The following FKBP5 variants were observed in gnomAD, a reference collection of about 807,000 sequenced individuals.
FKBP5 encodes the protein peptidyl-prolyl cis-trans isomerase FKBP5.
In FKBP5, 23 loss-of-function variants were observed where a neutral mutation model predicts 50.5. The observed-to-expected ratio is 0.46, with a 90% CI of 0.33 to 0.65. The LOEUF is 0.65. FKBP5 is among the 30% of genes least tolerant of loss of function. The probability of loss-of-function intolerance (pLI) is 0.02; values close to 1 mark genes in which losing one functional copy is unlikely to be tolerated. For synonymous variants in FKBP5, 176 were observed against 190.6 expected, an observed-to-expected ratio of 0.92 and a Z score of 0.63; for missense variants, 411 against 553.1, an observed-to-expected ratio of 0.74 and a Z score of 2.58.
At chr6:35,686,472 A>G (rs1192384253) in intron 1 of FKBP5, among the ~76,000 whole-genome samples, 1 of 152,168 alleles carries the variant, frequency 6.6e-6, no homozygotes, top group East Asian at 1.9e-4. Context: ...ACTAATTATT[A>G]ATAGTATTTT....
intron 3 of FKBP5, among the ~76,000 whole-genome samples, chr6:35,633,545 AAAAAAAAAAAAAAAGG>A (rs1424539937): frequency 6.7e-6 from 1 of 148,236 alleles, no homozygotes; most frequent in Non-Finnish European, 1.5e-5. Flanking sequence ...TCCATCTCAA[AAAAAAAAAAAAAAAGG>A]AAAAAAAAAA....
upstream of FKBP5, among the ~76,000 whole-genome samples, chr6:35,692,997 G>T (rs1446724335): frequency 1.6e-5 from 2 of 128,424 alleles, no homozygotes; most frequent in Non-Finnish European, 3.2e-5. Flanking sequence ...CCTTTATTCT[G>T]TATTTTCTGT....
intron 1 of FKBP5, among the ~76,000 whole-genome samples, chr6:35,686,752 C>T (rs1223279582): frequency 4.6e-5 from 7 of 152,086 alleles, no homozygotes. Flanking sequence ...TAAACTGAAC[C>T]CAAAATATGC....
chr6:35,725,420 CA>C (rs1766687923), intron 1 of FKBP5, among the ~76,000 whole-genome samples: 1 of 152,142 alleles, frequency 6.6e-6, no homozygotes, highest in African/African-American at 2.4e-5. Flanking sequence ...GGAGAGGGAT[CA>C]GCCTCAAGGG....
rs756008356 is a variant in FKBP5, at chr6:35,575,867, T to C, written c.1342A>G (p.Met448Val). Residue 448 changes from methionine to valine, a missense_variant, in exon 11 of 11, where the codon ATG becomes GTG. By Grantham distance (21) the Met-to-Val change is conservative (BLOSUM62 1). Transcript: ENST00000357266. ...TNEKGTDSQA[M>V]EEEKPEGHV The stretch of plus-strand genomic sequence containing the variant: ...TGGCCCTCAGGTTTCTCTTCTTCCA[T>C]TGCTTGACTGTCTGTTCCTTTTTCA... 6.2e-6 allele frequency: 10 copies of C among 1,613,938 alleles called. No individual in the cohort carries two copies. Among genetic ancestry groups the C allele is most frequent in the African/African-American group, 2.7e-5 (2 of 74,914 alleles).
intron 7 of FKBP5, among the ~76,000 whole-genome samples, chr6:35,587,937 G>GTAAC (rs1156647799): frequency 1.3e-5 from 2 of 152,054 alleles, no homozygotes; most frequent in African/African-American, 2.4e-5. Context: ...GTTTAAATGG[G>GTAAC]TAACTAAAAT....
chr6:35,608,533 A>C (rs1581810423), intron 5 of FKBP5, among the ~76,000 whole-genome samples: 1 of 152,098 alleles, frequency 6.6e-6, no homozygotes, highest in South Asian at 2.1e-4. Flanking sequence ...CGTCTCTAAA[A>C]GGATAAAAAA....
intron 1 of FKBP5, among the ~76,000 whole-genome samples, chr6:35,673,953 CCT>C (rs1243570585): frequency 6.6e-6 from 1 of 152,122 alleles, no homozygotes; most frequent in East Asian, 1.9e-4. Context: ...TGAGCATATG[CCT>C]CTACTTCCTC....
At chr6:35,579,867 G>A (rs552596088) in intron 9 of FKBP5, among the ~76,000 whole-genome samples, 169 bp downstream of exon 9, 1 of 152,218 alleles carries the variant, frequency 6.6e-6, no homozygotes, top group South Asian at 2.1e-4. Context: ...TAAAAATCTT[G>A]CTGAATTTCC....
chr6:35,598,243 C>T (rs754403734), intron 5 of FKBP5, among the ~76,000 whole-genome samples: 10 of 152,146 alleles, frequency 6.6e-5, no homozygotes, highest in Admixed American at 2.6e-4. Flanking sequence ...TTTTTTGAGA[C>T]GCAGTCTTGC....
chr6:35,656,165 G>A (rs1020510643), intron 1 of FKBP5, among the ~76,000 whole-genome samples: 1 of 152,206 alleles, frequency 6.6e-6, no homozygotes, highest in East Asian at 1.9e-4. Context: ...AACTGTACAA[G>A]AATAGCATTT....
At chr6:35,611,430 A>C (rs1373008996) in intron 5 of FKBP5, among the ~76,000 whole-genome samples, 5 of 152,204 alleles carry the variant, frequency 3.3e-5, no homozygotes, top group Non-Finnish European at 7.3e-5. Context: ...CGAGAGAACC[A>C]CATACAGCCA....
chr6:35,706,424 CAAAA>C (rs71002595), intron 2 of FKBP5, among the ~76,000 whole-genome samples: 14 of 103,864 alleles, frequency 1.3e-4, no homozygotes, highest in Admixed American at 4.0e-4. Context: ...AACTCTGTCT[CAAAA>C]AAAAAAAAAA....
intron 1 of FKBP5, among the ~76,000 whole-genome samples, chr6:35,668,339 T>C (rs967091111): frequency 6.6e-6 from 1 of 152,240 alleles, no homozygotes; most frequent in African/African-American, 2.4e-5. Context: ...GTCCATTTTT[T>C]GCCAGTCAGT....
chr6:35,577,762 A>G (rs1762267077), intron 9 of FKBP5, among the ~76,000 whole-genome samples: 3 of 152,340 alleles, frequency 2.0e-5, no homozygotes, highest in East Asian at 1.9e-4. Context: ...CCACATAGAA[A>G]ATAAGAGTTA....
intron 6 of FKBP5, among the ~76,000 whole-genome samples, chr6:35,593,391 T>C (rs913933020): frequency 1.3e-5 from 2 of 152,132 alleles, no homozygotes; most frequent in Admixed American, 6.5e-5. Context: ...CTCTTACCAA[T>C]TGCTCCCTTT....
chr6:35,669,281 A>G (rs1765318213), intron 1 of FKBP5, among the ~76,000 whole-genome samples: 1 of 152,224 alleles, frequency 6.6e-6, no homozygotes, highest in African/African-American at 2.4e-5. Flanking sequence ...AATTCAATTG[A>G]TGTGCCAGCT....
At position 35,588,845 on chromosome 6, in the gene FKBP5, ATCC is replaced by A. The variant is rs762926885; in HGVS notation, c.757-1731_757-1729del. On this transcript the variant is annotated intron_variant, in intron 7 of 10. Coordinates refer to ENST00000357266, the MANE Select transcript of FKBP5 (RefSeq NM_004117.4). ...GGTCTCAAACTCTTGGGCTCAAGCC[ATCC>A]TCCTATCTTGGCCTCCTGAGTAGCT... Among the ~76,000 whole-genome samples the A allele has an allele frequency of 8.1e-5, 12 of 148,958 alleles. No individual in the cohort carries two copies. The East Asian group carries it at 2.4e-3, about 29-fold the overall frequency.
intron 1 of FKBP5, among the ~76,000 whole-genome samples, chr6:35,684,832 G>A (rs1487825615): frequency 6.6e-6 from 1 of 152,098 alleles, no homozygotes; most frequent in Non-Finnish European, 1.5e-5. Context: ...TTGGACACCA[G>A]CCTGGGCAAC....
Sources: gnomAD v4.1 joint callset for allele counts (sites outside exome capture counted in the v4.1 genomes callset) on GRCh38, gnomAD v4.1.1 for gene constraint, MANE v1.5 for transcripts, NCBI Gene and HGNC (gene_info 2026-07-23, HGNC 2026-07-21) for gene names.